The following XCR1 variants were observed in gnomAD, a reference collection of about 807,000 sequenced individuals.
The protein encoded by XCR1 is chemokine XC receptor 1.
For missense variants in XCR1, 356 were observed against 424.2 expected, an observed-to-expected ratio of 0.84 and a Z score of 1.41; for synonymous variants, 187 against 188.5, an observed-to-expected ratio of 0.99 and a Z score of 0.06.
chr3:46,050,288 A>C (rs1399388335), intron 5 of XCR1, among the ~76,000 whole-genome samples: 2 of 152,206 alleles, frequency 1.3e-5, no homozygotes, highest in Non-Finnish European at 2.9e-5. Flanking sequence ...AAGATGTGTA[A>C]GTTGATAGGT....
intron 1 of XCR1, chr3:46,023,475 A>G (rs886851423): frequency 1.6e-5 from 25 of 1,562,188 alleles, no homozygotes; most frequent in African/African-American, 2.7e-5. Flanking sequence ...TGGAATTGCA[A>G]AGGGATAGCC....
chr3:46,042,925 A>T (rs1257270512), intron 5 of XCR1, among the ~76,000 whole-genome samples: 1 of 152,202 alleles, frequency 6.6e-6, no homozygotes, highest in African/African-American at 2.4e-5. Flanking sequence ...TCCTCAACAA[A>T]ATACTAGCAA....
upstream of XCR1, among the ~76,000 whole-genome samples, chr3:46,030,186 G>C (rs533214059): frequency 1.3e-5 from 2 of 152,146 alleles, no homozygotes; most frequent in African/African-American, 4.8e-5. Context: ...TGTCCTGGCT[G>C]GAACCACCAA....
chr3:46,055,443 A>G (rs919902713), intron 4 of XCR1, among the ~76,000 whole-genome samples: 1 of 152,208 alleles, frequency 6.6e-6, no homozygotes, highest in Non-Finnish European at 1.5e-5. Context: ...AATGGATCAT[A>G]ATGAAAATAC....
At chr3:46,080,034 G>A (rs17078577) in intron 1 of XCR1, among the ~76,000 whole-genome samples, 51,402 of 151,618 alleles carry the variant, frequency 0.34, 10,714 homozygotes, top group East Asian at 0.67. Context: ...ATACTCAAAG[G>A]CCAGATGAAT....
chr3:46,047,494 G>A (rs1307836194), intron 5 of XCR1, among the ~76,000 whole-genome samples: 13 of 152,156 alleles, frequency 8.5e-5, no homozygotes. Flanking sequence ...AAGACATAAG[G>A]ATTAAAAACA....
chr3:46,021,556 A>C lies in XCR1; in HGVS notation c.392T>G (p.Val131Gly). Residue 131 changes from valine to glycine, a missense_variant, in exon 2 of 2, where the codon GTA becomes GGA. Val to Gly is a moderately radical substitution (Grantham distance 109). Coordinates refer to ENST00000309285, the MANE Select transcript of XCR1 (RefSeq NM_001024644.2). The surrounding 1 kb of genome is among the most constrained non-coding windows in gnomAD (Gnocchi z 4.7). ...TIMTIHRYLS[V>G]VSPLSTLRVP... The stretch of plus-strand genomic sequence containing the variant: ...GCGCAGGGTGGAGAGGGGGCTCACT[A>C]CCGACAGGTAGCGGTGGATGGTCAT... The C allele has an allele frequency of 6.2e-7, 1 of 1,610,622 alleles. No homozygotes were observed. The highest frequency in any genetic ancestry group is 8.5e-7 in the Non-Finnish European group (1 of 1,178,210).
chr3:46,076,528 T>C (rs1698263020), intron 2 of XCR1, among the ~76,000 whole-genome samples: 5 of 150,646 alleles, frequency 3.3e-5, no homozygotes, highest in Admixed American at 2.0e-4. Flanking sequence ...GTGATGTTGG[T>C]CAATGATTGC....
chr3:46,023,379 A>G (rs935943175), intron 1 of XCR1: 2 of 1,449,170 alleles, frequency 1.4e-6, no homozygotes, highest in African/African-American at 1.4e-5. Context: ...GCAAATACGA[A>G]GAGGCGATTT....
intron 4 of XCR1, among the ~76,000 whole-genome samples, chr3:46,057,686 G>A (rs547235217): frequency 8.5e-5 from 13 of 152,212 alleles, no homozygotes; most frequent in African/African-American, 2.2e-4. Context: ...GTTGAAAGGC[G>A]TGAATGCAGA....
At chr3:46,065,596 C>A (rs139471176) in intron 4 of XCR1, among the ~76,000 whole-genome samples, 1 of 152,194 alleles carries the variant, frequency 6.6e-6, no homozygotes, top group Non-Finnish European at 1.5e-5. Flanking sequence ...CTCACCCAAC[C>A]ACACACAGCC....
chr3:46,024,868 G>T (rs1008054892), intron 1 of XCR1, among the ~76,000 whole-genome samples: 3 of 152,008 alleles, frequency 2.0e-5, no homozygotes, highest in Non-Finnish European at 4.4e-5. Context: ...ATGCTAGTTG[G>T]CAGTATTTGA....
chr3:46,052,955 G>A (rs1575426996), intron 5 of XCR1, among the ~76,000 whole-genome samples: 1 of 152,174 alleles, frequency 6.6e-6, no homozygotes, highest in Non-Finnish European at 1.5e-5. Context: ...CTGCTGATAA[G>A]CAGCATTTGT....
At chr3:46,035,721 A>G (rs974792099) in intron 5 of XCR1, among the ~76,000 whole-genome samples, 2 of 152,140 alleles carry the variant, frequency 1.3e-5, no homozygotes, top group African/African-American at 4.8e-5. Context: ...ACAGCAGGAG[A>G]TGCTCCTCTC....
At chr3:46,058,619 C>G (rs1697898216) in intron 4 of XCR1, among the ~76,000 whole-genome samples, 1 of 152,174 alleles carries the variant, frequency 6.6e-6, no homozygotes, top group East Asian at 1.9e-4. Flanking sequence ...GAGATCATGG[C>G]TTAGTGCAGC....
intron 1 of XCR1, among the ~76,000 whole-genome samples, chr3:46,083,597 T>G (rs1698417049): frequency 6.6e-6 from 1 of 152,190 alleles, no homozygotes; most frequent in Non-Finnish European, 1.5e-5. Context: ...TAACTTCCCA[T>G]GAACACATGA....
chr3:46,067,942 C>A (rs983025762), intron 3 of XCR1, among the ~76,000 whole-genome samples: 4 of 152,010 alleles, frequency 2.6e-5, no homozygotes, highest in Non-Finnish European at 4.4e-5. Context: ...AGGAGGGAGG[C>A]AAAGGTCTTT....
At chr3:46,060,399 A>C (rs2133666) in intron 4 of XCR1, among the ~76,000 whole-genome samples, 121,072 of 152,118 alleles carry the variant, frequency 0.8, 48,509 homozygotes, top group East Asian at 0.99. Flanking sequence ...CTCTTGTATT[A>C]CAAATATACT....
At chr3:46,067,823 A>G (rs1007973542) in intron 3 of XCR1, among the ~76,000 whole-genome samples, 1 of 152,134 alleles carries the variant, frequency 6.6e-6, no homozygotes, top group Admixed American at 6.5e-5. Flanking sequence ...CATGCTGTGG[A>G]GGGGCCAGCA....
Sources: allele counts gnomAD v4.1 joint callset (sites outside exome capture counted in the v4.1 genomes callset), GRCh38; gene constraint gnomAD v4.1.1; non-coding constraint Gnocchi (gnomAD v3.1); transcripts MANE v1.5; gene names NCBI Gene and HGNC (gene_info 2026-07-23, HGNC 2026-07-21).